The following FLNC variants were observed in gnomAD, a reference collection of about 807,000 sequenced individuals.
FLNC encodes filamin C.
Under a neutral mutation model 254.3 loss-of-function variants are expected in FLNC, and 91 were observed. The observed-to-expected ratio is 0.36, with a 90% CI of 0.30 to 0.43. The LOEUF (loss-of-function observed/expected upper bound fraction) is 0.43. Among genes scored for constraint, FLNC ranks in the 20% least tolerant of loss-of-function variants. The probability of loss-of-function intolerance (pLI) is 1.00; values close to 1 mark genes in which losing one functional copy is unlikely to be tolerated. For missense variants in FLNC, 2,853 were observed against 3,802.6 expected (o/e 0.75, Z 6.57); for synonymous variants, 1,430 against 1,577.2 (o/e 0.91, Z 2.21).
chr7:128,831,217 G>GTCCAGGC (rs1807878345), intron 1 of FLNC, among the ~76,000 whole-genome samples: 1 of 152,118 alleles, frequency 6.6e-6, no homozygotes, highest in South Asian at 2.1e-4. Flanking sequence ...GCCCCGGGGA[G>GTCCAGGC]TCCAGGCCTT....
rs758389160 is a variant in FLNC, at chr7:128,841,181, G to C, written c.1825G>C (p.Glu609Gln). The C allele has an allele frequency of 6.2e-7, 1 of 1,613,846 alleles. No homozygotes were observed. The highest frequency in any genetic ancestry group is 1.3e-5 in the African/African-American group (1 of 75,018). ...CCACCTTGCCCCAGGCTTCTCCATC[G>C]AGGGGCCCTCACAAGCCAAGATCGA... is the stretch of plus-strand genomic sequence containing the variant. ...TEVGTLGFSI[E>Q]GPSQAKIECD... is the part of the protein sequence containing the mutation. The change falls in exon 12 of 48, where the codon GAG (glutamate) becomes CAG (glutamine). Residue 609 changes from glutamate (E) to glutamine (Q), a missense_variant. Physicochemically the swap from Glu to Gln is conservative, Grantham distance 29 (BLOSUM62 2). Transcript: ENST00000325888. This position sits in a 1 kb window ranked among gnomAD's most constrained non-coding sequence, Gnocchi z 4.3.
rs775484934 is a variant in FLNC at position 128,830,804 on chromosome 7, G to T, written c.167G>T (p.Arg56Leu). The T allele has an allele frequency of 1.1e-5, 17 of 1,613,072 alleles. No individual in the cohort carries two copies. The highest frequency in any genetic ancestry group is 1.4e-5 in the Non-Finnish European group (17 of 1,179,918). ...CNEHLKCVGK[R>L]LTDLQRDLSD... ...GAGCACCTCAAGTGCGTGGGCAAGC[G>T]CCTGACCGACCTGCAGCGCGACCTC... is the stretch of plus-strand genomic sequence containing the variant. Residue 56 changes from arginine (R) to leucine (L), a missense_variant, in exon 1 of 48, where the codon CGC becomes CTC. Transcript: ENST00000325888.
chr7:128,832,544 G>T (rs984971874), intron 1 of FLNC, among the ~76,000 whole-genome samples: 5 of 152,228 alleles, frequency 3.3e-5, no homozygotes, highest in African/African-American at 1.2e-4. Flanking sequence ...GGGGCTCTCG[G>T]CCCCTCTCCA....
rs576908770 is a variant in FLNC, at chr7:128,837,630, C to T, written c.851-7C>T. 2 of 1,612,774 alleles carry T rather than the reference C, an allele frequency of 1.2e-6. No homozygotes were observed. The highest frequency in any genetic ancestry group is 1.7e-5 in the Admixed American group (1 of 60,034). ...TGAGTAACCTGGGCTCTGCTCCTGC[C>T]CCGTAGGCATCGAGCCACAGGGCAA... On this transcript the variant is annotated splice_polypyrimidine_tract_variant and splice_region_variant and intron_variant, in intron 4 of 47. Transcript: ENST00000325888.
chr7:128,839,553 G>C (rs1808244129), intron 8 of FLNC, among the ~76,000 whole-genome samples: 2 of 152,252 alleles, frequency 1.3e-5, no homozygotes, highest in African/African-American at 2.4e-5. Flanking sequence ...ATTGCCACTG[G>C]CCACGGTCTG....
intron 10 of FLNC, 71 bp downstream of exon 10, chr7:128,840,745 C>T (rs1468733795): frequency 1.0e-5 from 15 of 1,504,518 alleles, no homozygotes; most frequent in East Asian, 2.2e-5. Context: ...CACTGGGCTG[C>T]GAGGGAGTTT....
chr7:128,845,393 T>A lies in FLNC; in HGVS notation c.3790+138T>A, dbSNP rs930314057. 2.4e-5 allele frequency: 18 copies of A among 757,126 alleles called. 1 individual carries two copies. Among genetic ancestry groups the A allele is most frequent in the Non-Finnish European group, 3.7e-5 (16 of 438,280 alleles). 46.9% of individuals were successfully genotyped at this position (757,126 alleles called of 1,614,324 possible). A position where few individuals can be genotyped will look rare whatever the true frequency, so the allele number is the denominator to read the frequency against. ...GAGGGCTCTCGGAGCAGCCCCAGAG[T>A]CCTTACTGGCCCAGAAACCCCAGAG... On this transcript the variant is annotated intron_variant, in intron 21 of 47. Transcript: ENST00000325888.
Position 128,850,061 on chromosome 7 carries a change from GC to G in FLNC, c.5289del (p.Thr1764HisfsTer19). 2 of 1,540,088 alleles carry G rather than the reference GC, an allele frequency of 1.3e-6. No individual in the cohort carries two copies. Among genetic ancestry groups the G allele is most frequent in the Non-Finnish European group, 1.7e-6 (2 of 1,147,740 alleles). ...TACGCTCCTCCCCGGCCCGGCGCCC[GC>G]CCCACACACTGGGTACTGCGCCTCC... is the stretch of plus-strand genomic sequence containing the variant. ...QPYAPPRPGA[R>X]PTHWATEEPV... On this transcript the variant is annotated frameshift_variant, in exon 31 of 48. Coordinates refer to ENST00000325888, the MANE Select transcript of FLNC (RefSeq NM_001458.5). LOFTEE classifies it high-confidence loss of function.
intron 8 of FLNC, among the ~76,000 whole-genome samples, chr7:128,839,203 C>T (rs889415047): frequency 3.3e-5 from 5 of 152,242 alleles, no homozygotes; most frequent in African/African-American, 1.2e-4. Context: ...ACTGGCCTCA[C>T]CTGTGCTGTG....
chr7:128,837,965 C>T (rs1273446503), intron 5 of FLNC, 22 bp from the exon 6 acceptor site: 1 of 1,608,688 alleles, frequency 6.2e-7, no homozygotes. Context: ...GAGAGGCTTC[C>T]AATCTTTTTC....
Position 128,849,977 on chromosome 7 carries a change from C to A in FLNC, c.5201C>A (p.Ala1734Glu), listed in dbSNP as rs751149867. ...HIPNSPFHVL[A>E]CDPLPHEEEP... is the part of the protein sequence containing the mutation. ...TGCCCCCGTGCCTTGCCTCCCCAGG[C>A]GTGTGACCCCCTGCCGCACGAGGAG... is the stretch of plus-strand genomic sequence containing the variant. Residue 1734 changes from alanine (A) to glutamate (E), a missense_variant and splice_region_variant, in exon 31 of 48, where the codon GCG (alanine) becomes GAG (glutamate). Physicochemically the swap from Ala to Glu is moderately radical, Grantham distance 107. Transcript: ENST00000325888. 1 of 1,586,648 alleles carries A rather than the reference C, an allele frequency of 6.3e-7. No homozygotes were observed. The highest frequency in any genetic ancestry group is 8.5e-7 in the Non-Finnish European group (1 of 1,171,026).
At position 128,856,023 on chromosome 7, in the gene FLNC, C is replaced by T. The variant is rs1025811846; in HGVS notation, c.7252-495C>T. Reference sequence around the variant, plus strand: ...CCCATCCAGAGTCCTTGTGCATCTCCTCCTCCCACTCCTGAACTGGGCTCC... The same window carrying T: ...CCCATCCAGAGTCCTTGTGCATCTCTTCCTCCCACTCCTGAACTGGGCTCC... On this transcript the variant is annotated intron_variant, in intron 43 of 47. Coordinates refer to ENST00000325888, the MANE Select transcript of FLNC (RefSeq NM_001458.5). This position sits in a 1 kb window ranked among gnomAD's most constrained non-coding sequence, Gnocchi z 5.9. 1.3e-5 allele frequency among the ~76,000 whole-genome samples: 2 copies of T among 152,222 alleles called. No homozygotes were observed. The highest frequency in any genetic ancestry group is 2.9e-5 in the Non-Finnish European group (2 of 68,040).
Position 128,850,853 on chromosome 7 carries a change from A to C in FLNC, c.5449A>C (p.Asn1817His). 2.5e-6 allele frequency: 4 copies of C among 1,613,594 alleles called. No homozygotes were observed. The highest frequency in any genetic ancestry group is 3.4e-6 in the Non-Finnish European group (4 of 1,179,958). Reference protein sequence around the residue: ...GKTARPNITDNKDGTITVRYA... With the variant: ...GKTARPNITDHKDGTITVRYA... ...GACGGCACGGCCCAACATCACCGACAACAAGGACGGCACCATCACGGTGAG... is the reference window on the plus strand; with the variant it reads ...GACGGCACGGCCCAACATCACCGACCACAAGGACGGCACCATCACGGTGAG... Residue 1817 changes from asparagine (N) to histidine (H), a missense_variant, in exon 33 of 48, where the codon AAC becomes CAC. Physicochemically the swap from Asn to His is moderately conservative, Grantham distance 68. Coordinates refer to ENST00000325888, the MANE Select transcript of FLNC (RefSeq NM_001458.5).
chr7:128,852,591 G>A lies in FLNC; in HGVS notation c.5843G>A (p.Gly1948Asp), dbSNP rs1808866399. 6.2e-7 allele frequency: 1 copy of A among 1,613,264 alleles called. No homozygotes were observed. The highest frequency in any genetic ancestry group is 1.1e-5 in the South Asian group (1 of 91,078). The stretch of plus-strand genomic sequence containing the variant: ...CCTGATGCCCCAACTCCCCCACCAG[G>A]TGATGACTCCATGAGGACCTCACAG... ...PGSPFTAKIT[G>D]DDSMRTSQLN... Residue 1948 changes from glycine (G) to aspartate (D), a missense_variant and splice_region_variant, in exon 36 of 48, where the codon GGT becomes GAT. Gly to Asp is a moderately conservative substitution (Grantham distance 94). This residue lies in a region of FLNC where 551 missense variants were observed against 835.0 expected (regional missense o/e 0.66). Coordinates refer to ENST00000325888, the MANE Select transcript of FLNC (RefSeq NM_001458.5).
At chr7:128,838,535 C>G (rs894370482) in intron 7 of FLNC, 68 bp from the exon 8 acceptor site, 6 of 1,605,176 alleles carry the variant, frequency 3.7e-6, no homozygotes, top group Non-Finnish European at 2.6e-6. Context: ...GGTGGGCAGC[C>G]TCAGGGTGAG....
At position 128,845,199 on chromosome 7, in the gene FLNC, A is replaced by T; in HGVS notation, c.3734A>T (p.Gln1245Leu). 1 of 1,613,904 alleles carries T rather than the reference A, an allele frequency of 6.2e-7. No individual in the cohort carries two copies. Among genetic ancestry groups the T allele is most frequent in the Non-Finnish European group, 8.5e-7 (1 of 1,180,032 alleles). Residue 1245 changes from glutamine to leucine, a missense_variant, in exon 21 of 48, where the codon CAG (glutamine) becomes CTG (leucine). Gln to Leu is a moderately radical substitution (Grantham distance 113). Around this residue, in one of 10 missense-constraint regions of FLNC, gnomAD observed 1,573 missense variants for 1,883.5 expected, o/e 0.84. Transcript: ENST00000325888. Reference protein sequence around the residue: ...VPKFPTRVHVQPAVDTSGVKV... With the variant: ...VPKFPTRVHVLPAVDTSGVKV... The stretch of plus-strand genomic sequence containing the variant: ...AAATTCCCCACCCGTGTCCATGTGC[A>T]GCCTGCGGTCGATACCAGTGGCGTC...
At position 128,849,908 on chromosome 7, in the gene FLNC, A is replaced by T. The variant is rs1236655862; in HGVS notation, c.5200-68A>T. On this transcript the variant is annotated intron_variant, in intron 30 of 47. Coordinates refer to ENST00000325888, the MANE Select transcript of FLNC (RefSeq NM_001458.5). ...ACCCAGCATTTCAGGTTCCTGGGCCATTCTCTGAGTCAGCCCCTAGGCCTG... is the reference window on the plus strand; with the variant it reads ...ACCCAGCATTTCAGGTTCCTGGGCCTTTCTCTGAGTCAGCCCCTAGGCCTG... 4 of 1,140,120 alleles carry T rather than the reference A, an allele frequency of 3.5e-6. 1 individual carries two copies. The highest frequency in any genetic ancestry group is 1.5e-5 in the African/African-American group (1 of 66,156). 70.6% of individuals were successfully genotyped at this position (1,140,120 alleles called of 1,614,324 possible). A position where few individuals can be genotyped will look rare whatever the true frequency, so the allele number is the denominator to read the frequency against.
In FLNC at chr7:128,850,321, A is replaced by C. The variant is rs1458763482; in HGVS notation, c.5299-63A>C. ...CTTTCCTCACTCTCCAGCTTCAGTC[A>C]TAGCATGGGTCAAACTCCTGGGCCT... is the stretch of plus-strand genomic sequence containing the variant. On this transcript the variant is annotated intron_variant, in intron 31 of 47. Transcript: ENST00000325888. 5 of 1,361,790 alleles carry C rather than the reference A, an allele frequency of 3.7e-6. No individual in the cohort carries two copies. In the East Asian group the frequency reaches 1.1e-4, roughly 31 times the overall value. The allele number at this position is 1,361,790 out of a possible 1,614,324, so 84.4% of individuals were successfully genotyped here.
chr7:128,843,245 C>A lies in FLNC; in HGVS notation c.2567C>A (p.Pro856His). ...LFANQEIPAS[P>H]FHIKVDPSHD... Reference sequence around the variant, plus strand: ...CACATCCAGGAGATCCCCGCCAGCCCCTTCCACATCAAGGTGGACCCATCC... The same window carrying A: ...CACATCCAGGAGATCCCCGCCAGCCACTTCCACATCAAGGTGGACCCATCC... Residue 856 changes from proline to histidine, a missense_variant, in exon 17 of 48, where the codon CCC becomes CAC. By Grantham distance (77) the Pro-to-His change is moderately conservative. This residue lies in a region of FLNC where 1,573 missense variants were observed against 1,883.5 expected (regional missense o/e 0.84). Transcript: ENST00000325888. 6.2e-7 allele frequency: 1 copy of A among 1,604,728 alleles called. No individual in the cohort carries two copies. Among genetic ancestry groups the A allele is most frequent in the Non-Finnish European group, 8.5e-7 (1 of 1,175,532 alleles).
Sources: allele counts gnomAD v4.1 joint callset (sites outside exome capture counted in the v4.1 genomes callset), GRCh38; gene constraint gnomAD v4.1.1; regional missense constraint gnomAD v4.1.1; non-coding constraint Gnocchi (gnomAD v3.1); transcripts MANE v1.5; gene names NCBI Gene and HGNC (gene_info 2026-07-23, HGNC 2026-07-21).